ZDHHC17: variants seen among roughly 807,000 people sequenced by gnomAD.
ZDHHC17 encodes the protein palmitoyltransferase ZDHHC17.
ZDHHC17 carries 40 observed loss-of-function variants against 90.3 expected under a neutral mutation model. That is an observed-to-expected ratio of 0.44 (90% confidence interval 0.34 to 0.58). The LOEUF is 0.58. Among genes scored for constraint, ZDHHC17 ranks in the 20% least tolerant of loss-of-function variants. The pLI is 0.01. For synonymous variants in ZDHHC17, 235 were observed against 252.4 expected, an observed-to-expected ratio of 0.93 and a Z score of 0.65; for missense variants, 614 against 780.8, an observed-to-expected ratio of 0.79 and a Z score of 2.55.
chr12:76,797,611 A>T, intron 2 of ZDHHC17, 74 bp downstream of exon 2: 1 of 1,211,180 alleles, frequency 8.3e-7, no homozygotes, highest in Admixed American at 2.7e-5. Context: ...TAACAGTCAT[A>T]TTACTTTGGG....
chr12:76,840,705 A>G (rs934072201), intron 10 of ZDHHC17, among the ~76,000 whole-genome samples: 1 of 152,184 alleles, frequency 6.6e-6, no homozygotes, highest in Non-Finnish European at 1.5e-5. Flanking sequence ...TCAGTCTACC[A>G]TTTGAAGATA....
chr12:76,800,885 CTT>C (rs71085458), intron 2 of ZDHHC17, among the ~76,000 whole-genome samples: 4 of 108,080 alleles, frequency 3.7e-5, no homozygotes, highest in African/African-American at 6.9e-5. Flanking sequence ...TTTGCCATTT[CTT>C]TTTTTTTTTT....
At chr12:76,796,525 G>T (rs1384602971) in intron 1 of ZDHHC17, among the ~76,000 whole-genome samples, 1 of 151,720 alleles carries the variant, frequency 6.6e-6, no homozygotes, top group African/African-American at 2.4e-5. Flanking sequence ...TTATATATAT[G>T]GATTTTTATA....
intron 10 of ZDHHC17, among the ~76,000 whole-genome samples, chr12:76,831,338 G>A (rs960071977): frequency 2.0e-5 from 3 of 151,840 alleles, no homozygotes; most frequent in Admixed American, 6.6e-5. Flanking sequence ...TTTTGTGTTG[G>A]GTTTTGTTTT....
At chr12:76,797,404 C>A in intron 1 of ZDHHC17, 30 bp from the exon 2 acceptor site, 1 of 1,518,114 alleles carries the variant, frequency 6.6e-7, no homozygotes, top group Non-Finnish European at 9.0e-7. Flanking sequence ...TTTTTCAATT[C>A]TTGCCTGTGT....
In ZDHHC17 at chr12:76,826,998, A is replaced by G; in HGVS notation, c.988A>G (p.Ile330Val). ...IADLNIDSWL[I>V]KGLMYGGVWA... is the part of the protein sequence containing the mutation. The stretch of plus-strand genomic sequence containing the variant: ...AGACCTAAATATTGATTCTTGGCTC[A>G]TTAAAGGGCTAATGTATGGTGGTGT... The change falls in exon 9 of 17, where the codon ATT (isoleucine) becomes GTT (valine). Residue 330 changes from isoleucine (I) to valine (V), a missense_variant. Coordinates refer to ENST00000426126, the MANE Select transcript of ZDHHC17 (RefSeq NM_015336.4). The G allele has an allele frequency of 6.4e-7, 1 of 1,564,566 alleles. No homozygotes were observed. Among genetic ancestry groups the G allele is most frequent in the Non-Finnish European group, 8.6e-7 (1 of 1,163,380 alleles).
chr12:76,818,644 A>G (rs763171731), intron 7 of ZDHHC17, among the ~76,000 whole-genome samples: 10 of 152,216 alleles, frequency 6.6e-5, no homozygotes, highest in African/African-American at 1.2e-4. Context: ...TTCCTTGTAG[A>G]GGAACATGCA....
chr12:76,796,415 A>C (rs985091525), intron 1 of ZDHHC17, among the ~76,000 whole-genome samples: 1 of 152,192 alleles, frequency 6.6e-6, no homozygotes, highest in Non-Finnish European at 1.5e-5. Context: ...TTGACTATAT[A>C]TACCAAATTT....
intron 1 of ZDHHC17, among the ~76,000 whole-genome samples, chr12:76,788,688 A>ATTTTTTTTTTTTTTTTTTTTTTTTTTT (rs763269507): frequency 6.1e-5 from 6 of 98,648 alleles, no homozygotes; most frequent in African/African-American, 8.0e-5. Flanking sequence ...TGGAATCGCA[A>ATTTTTTTTTTTTTTTTTTTTTTTTTTT]TTTTTTTTTT....
chr12:76,848,413 T>C (rs779474704), intron 15 of ZDHHC17, 23 bp downstream of exon 15: 2 of 1,609,930 alleles, frequency 1.2e-6, no homozygotes, highest in East Asian at 2.2e-5. Context: ...GCATTCTTTT[T>C]AGTGCACTAA....
chr12:76,788,986 C>T (rs1260383923), intron 1 of ZDHHC17, among the ~76,000 whole-genome samples: 4 of 151,952 alleles, frequency 2.6e-5, no homozygotes, highest in Non-Finnish European at 4.4e-5. Flanking sequence ...CATGAGCCAC[C>T]GTGCCCAGCA....
chr12:76,840,838 C>T (rs1953426648), intron 10 of ZDHHC17: 1 of 152,126 alleles, frequency 6.6e-6, no homozygotes, highest in Non-Finnish European at 1.5e-5. Context: ...CAAATTTAAT[C>T]CAGGTCCTGA....
chr12:76,803,440 A>ATT (rs1952916232), intron 2 of ZDHHC17, among the ~76,000 whole-genome samples: 2 of 152,128 alleles, frequency 1.3e-5, no homozygotes, highest in South Asian at 4.2e-4. Flanking sequence ...AGAGTTCAGT[A>ATT]AGCCTGTGGG....
At chr12:76,833,996 A>G (rs747136207) in intron 10 of ZDHHC17, among the ~76,000 whole-genome samples, 2 of 152,176 alleles carry the variant, frequency 1.3e-5, no homozygotes, top group African/African-American at 2.4e-5. Context: ...ATGGTATTAC[A>G]TAACCACTAA....
chr12:76,841,892 A>T (rs1004581510), intron 10 of ZDHHC17, 90 bp from the exon 11 acceptor site: 11 of 963,270 alleles, frequency 1.1e-5, no homozygotes, highest in Non-Finnish European at 1.4e-5. Flanking sequence ...TTTGACTGGT[A>T]GGTGTTTTGT....
chr12:76,765,794 G>A (rs952714075), intron 1 of ZDHHC17, among the ~76,000 whole-genome samples: 6 of 152,156 alleles, frequency 3.9e-5, no homozygotes, highest in African/African-American at 1.4e-4. Flanking sequence ...TCTACCTCCA[G>A]GGCTCAAGTG....
At chr12:76,806,791 G>C (rs1235810500) in intron 3 of ZDHHC17, among the ~76,000 whole-genome samples, 1 of 152,210 alleles carries the variant, frequency 6.6e-6, no homozygotes, top group African/African-American at 2.4e-5. Context: ...GGAATTACAG[G>C]CATTTGCCTC....
intron 2 of ZDHHC17, among the ~76,000 whole-genome samples, chr12:76,803,482 G>A (rs573406250): frequency 4.6e-5 from 7 of 152,186 alleles, no homozygotes; most frequent in African/African-American, 1.7e-4. Context: ...CATCATAAAC[G>A]TCATCTGCTG....
chr12:76,815,902 C>T lies in ZDHHC17; in HGVS notation c.654C>T (p.Asn218=). Residue 218 remains asparagine (N), a synonymous_variant, in exon 7 of 17, where the codon AAC becomes AAT. Transcript: ENST00000426126. The part of the protein sequence containing the change: ...RLLLTFNVSV[N]LGDKYHKNTA... Reference sequence around the variant, plus strand: ...TTTTAACATTCAATGTTTCAGTTAACCTTGGTGACAAGTATCACAAAAACA... The same window carrying T: ...TTTTAACATTCAATGTTTCAGTTAATCTTGGTGACAAGTATCACAAAAACA... 6.4e-7 allele frequency: 1 copy of T among 1,563,756 alleles called. No individual in the cohort carries two copies. Among genetic ancestry groups the T allele is most frequent in the South Asian group, 1.2e-5 (1 of 85,254 alleles).
Sources: gnomAD v4.1 joint callset for allele counts (sites outside exome capture counted in the v4.1 genomes callset) on GRCh38, gnomAD v4.1.1 for gene constraint, MANE v1.5 for transcripts, NCBI Gene and HGNC (gene_info 2026-07-23, HGNC 2026-07-21) for gene names.